The following TATDN2 variants were observed in gnomAD, a reference collection of about 807,000 sequenced individuals.
TATDN2 encodes the protein 3'-5' RNA nuclease TATDN2.
Under a neutral mutation model 60.3 loss-of-function variants are expected in TATDN2, and 44 were observed. That is an observed-to-expected ratio of 0.73 (90% CI 0.57 to 0.94). The LOEUF is 0.94. TATDN2 is among the 40% of genes least tolerant of loss of function. The probability of loss-of-function intolerance (pLI) is 0.00; values close to 1 mark genes in which losing one functional copy is unlikely to be tolerated. For missense variants in TATDN2, 997 were observed against 948.0 expected, an observed-to-expected ratio of 1.05 and a Z score of -0.68; for synonymous variants, 399 against 355.8, an observed-to-expected ratio of 1.12 and a Z score of -1.37.
Position 10,260,411 on chromosome 3 carries a change from C to A in TATDN2, c.689C>A (p.Pro230Gln). Residue 230 changes from proline (P) to glutamine (Q), a missense_variant, in exon 3 of 8, where the codon CCA (proline) becomes CAA (glutamine). By Grantham distance (76) the Pro-to-Gln change is moderately conservative. Transcript: ENST00000448281. ...GAAGGACCAGCCAGGAGTGAAGGACCAGCCAAGACTGCAGAAGGAGCAGCC... is the reference window on the plus strand; with the variant it reads ...GAAGGACCAGCCAGGAGTGAAGGACAAGCCAAGACTGCAGAAGGAGCAGCC... ...HGEGPARSEG[P>Q]AKTAEGAARS... 6.2e-7 allele frequency: 1 copy of A among 1,613,974 alleles called. No individual in the cohort carries two copies. The highest frequency in any genetic ancestry group is 8.5e-7 in the Non-Finnish European group (1 of 1,179,950).
Position 10,279,270 on chromosome 3 carries a change from A to G in TATDN2, c.*88A>G. The G allele has an allele frequency of 2.2e-6, 1 of 446,330 alleles. No individual in the cohort carries two copies. The highest frequency in any genetic ancestry group is 4.0e-6 in the Non-Finnish European group (1 of 249,246). The allele number at this position is 446,330 out of a possible 1,614,324, so 27.6% of individuals were successfully genotyped here. A position where few individuals can be genotyped will look rare whatever the true frequency, so the allele number is the denominator to read the frequency against. On this transcript the variant is annotated 3_prime_UTR_variant, in exon 8 of 8. Transcript: ENST00000448281. ...CAGGCTGGCTTGAAGTCTGTGTCTC[A>G]GGTCGAGGATGTGTTTAGAGAGCTG...
At chr3:10,260,729 A>G (rs1380685517) in intron 3 of TATDN2, 59 bp downstream of exon 3, 12 of 1,547,132 alleles carry the variant, frequency 7.8e-6, no homozygotes, top group African/African-American at 5.5e-5. Context: ...AATGTGTTCC[A>G]TCTTTCTAGT....
At chr3:10,250,606 G>C (rs913617909) in intron 2 of TATDN2, among the ~76,000 whole-genome samples, 2 of 152,206 alleles carry the variant, frequency 1.3e-5, no homozygotes, top group Admixed American at 6.5e-5. Flanking sequence ...GTGTAGCTGA[G>C]AAAGGAGGCT....
chr3:10,268,552 G>A (rs1311760892), intron 3 of TATDN2, among the ~76,000 whole-genome samples: 2 of 152,174 alleles, frequency 1.3e-5, no homozygotes. Flanking sequence ...TGATATTGAT[G>A]TGCTTACTGT....
At chr3:10,275,095 C>T (rs1698616274) in intron 4 of TATDN2, among the ~76,000 whole-genome samples, 1 of 150,744 alleles carries the variant, frequency 6.6e-6, no homozygotes, top group African/African-American at 2.4e-5. Context: ...AGGGGATTCT[C>T]CTGCCTCAGC....
At position 10,279,229 on chromosome 3, in the gene TATDN2, G is replaced by A; in HGVS notation, c.*47G>A. 1.6e-6 allele frequency: 1 copy of A among 641,456 alleles called. No individual in the cohort carries two copies. Among genetic ancestry groups the A allele is most frequent in the Non-Finnish European group, 2.6e-6 (1 of 389,792 alleles). The allele number at this position is 641,456 out of a possible 1,614,324, so 39.7% of individuals were successfully genotyped here. A position where few individuals can be genotyped will look rare whatever the true frequency, so the allele number is the denominator to read the frequency against. ...TCTCTTCCACCCTCCAGGGCGACCA[G>A]CAGCCTGACAGAACACAGGCTGGCT... On this transcript the variant is annotated 3_prime_UTR_variant, in exon 8 of 8. Transcript: ENST00000448281.
Position 10,270,860 on chromosome 3 carries a change from G to A in TATDN2, c.1678G>A (p.Ala560Thr), listed in dbSNP as rs768356638. The change falls in exon 4 of 8, where the codon GCC becomes ACC. Residue 560 changes from alanine (A) to threonine (T), a missense_variant. Physicochemically the swap from Ala to Thr is moderately conservative, Grantham distance 58. Coordinates refer to ENST00000448281, the MANE Select transcript of TATDN2 (RefSeq NM_014760.4). ...ELLKEDLVWG[A>T]FGCHPHFARY... Reference sequence around the variant, plus strand: ...GTTGAAAGAGGATCTGGTCTGGGGGGCCTTTGGCTGTCACCCTCATTTTGC... The same window carrying A: ...GTTGAAAGAGGATCTGGTCTGGGGGACCTTTGGCTGTCACCCTCATTTTGC... 5.0e-6 allele frequency: 8 copies of A among 1,614,066 alleles called. No individual in the cohort carries two copies. The highest frequency in any genetic ancestry group is 6.8e-6 in the Non-Finnish European group (8 of 1,180,046).
intron 3 of TATDN2, among the ~76,000 whole-genome samples, chr3:10,262,076 C>G (rs1462313919): frequency 6.6e-6 from 1 of 152,164 alleles, no homozygotes; most frequent in Non-Finnish European, 1.5e-5. Flanking sequence ...TTCCTGGTAC[C>G]TTTCACTAAT....
intron 4 of TATDN2, 24 bp downstream of exon 4, chr3:10,271,039 CT>C: frequency 6.6e-7 from 1 of 1,508,894 alleles, no homozygotes; most frequent in Middle Eastern, 1.8e-4. Flanking sequence ...CTTTAGTCTG[CT>C]TATAGTTTTA....
chr3:10,249,719 TGAAGGTCTG>T lies in TATDN2; in HGVS notation c.414+114_414+122del, dbSNP rs1403620794. 2.3e-6 allele frequency: 3 copies of T among 1,303,392 alleles called. No homozygotes were observed. In the African/African-American group the frequency reaches 4.6e-5, roughly 20 times the overall value. 80.7% of individuals were successfully genotyped at this position (1,303,392 alleles called of 1,614,324 possible). On this transcript the variant is annotated intron_variant, in intron 2 of 7. Coordinates refer to ENST00000448281, the MANE Select transcript of TATDN2 (RefSeq NM_014760.4). ...AGGAGACTACAAAACATTACATCCT[TGAAGGTCTG>T]GAAGGTCTTTCTAGAAGTCCACTCC... is the stretch of plus-strand genomic sequence containing the variant.
intron 4 of TATDN2, among the ~76,000 whole-genome samples, chr3:10,273,252 T>C (rs546654486): frequency 6.6e-6 from 1 of 152,194 alleles, no homozygotes; most frequent in African/African-American, 2.4e-5. Context: ...CTAGAAAATA[T>C]TTGTCAACAC....
intron 3 of TATDN2, among the ~76,000 whole-genome samples, chr3:10,268,196 T>G (rs1230791068): frequency 6.6e-6 from 1 of 152,236 alleles, no homozygotes; most frequent in Non-Finnish European, 1.5e-5. Context: ...TTTCTGCCAT[T>G]CAAGCAGTAG....
chr3:10,250,977 G>A (rs1356798492), intron 2 of TATDN2, among the ~76,000 whole-genome samples: 1 of 152,182 alleles, frequency 6.6e-6, no homozygotes, highest in Non-Finnish European at 1.5e-5. Context: ...AGTCTTTCAG[G>A]TGTGCTGAAT....
Position 10,267,452 on chromosome 3 carries a change from T to G in TATDN2, c.949-2679T>G, listed in dbSNP as rs572896681. Among the ~76,000 whole-genome samples, 55 of 115,778 alleles carry G rather than the reference T, an allele frequency of 4.8e-4. 1 individual carries two copies. Among genetic ancestry groups the G allele is most frequent in the Admixed American group, 1.0e-3 (13 of 12,580 alleles). 76.0% of individuals were successfully genotyped at this position (115,778 alleles called of 152,430 possible). A position where few individuals can be genotyped will look rare whatever the true frequency, so the allele number is the denominator to read the frequency against. On this transcript the variant is annotated intron_variant, in intron 3 of 7. Coordinates refer to ENST00000448281, the MANE Select transcript of TATDN2 (RefSeq NM_014760.4). ...CCTATCCAGTCTGATTAAATTTCCC[T>G]GTTTGTTTGATGATTGTTTTGGTTC...
chr3:10,268,432 TAAG>T (rs1323956797), intron 3 of TATDN2, among the ~76,000 whole-genome samples: 2 of 152,254 alleles, frequency 1.3e-5, no homozygotes, highest in Non-Finnish European at 2.9e-5. Flanking sequence ...ATAAAAGTAT[TAAG>T]AGAACTTTGT....
chr3:10,274,989 ATT>A (rs34892858), intron 4 of TATDN2, among the ~76,000 whole-genome samples: 25 of 136,192 alleles, frequency 1.8e-4, no homozygotes, highest in Admixed American at 2.3e-4. Flanking sequence ...TAATGAATTA[ATT>A]TTTTTTTTTT....
chr3:10,275,565 C>T (rs929249139), intron 4 of TATDN2, among the ~76,000 whole-genome samples: 6 of 151,886 alleles, frequency 4.0e-5, no homozygotes, highest in Admixed American at 6.6e-5. Flanking sequence ...ACCAACATGG[C>T]GAAACCCCAT....
chr3:10,249,465 T>G lies in TATDN2; in HGVS notation c.265T>G (p.Leu89Val), dbSNP rs760479547. ...CTCCTCCTCCTTCTCCCCACATTTC[T>G]TGGGCCCTGGTGTGGGCGGGGCCGC... is the stretch of plus-strand genomic sequence containing the variant. ...NSSSSFSPHF[L>V]GPGVGGAASK... The change falls in exon 2 of 8, where the codon TTG (leucine) becomes GTG (valine). Residue 89 changes from leucine to valine, a missense_variant. Transcript: ENST00000448281. 1 of 1,613,888 alleles carries G rather than the reference T, an allele frequency of 6.2e-7. No individual in the cohort carries two copies. Among genetic ancestry groups the G allele is most frequent in the Admixed American group, 1.7e-5 (1 of 60,012 alleles).
intron 3 of TATDN2, among the ~76,000 whole-genome samples, chr3:10,268,163 T>C (rs1472122398): frequency 1.3e-5 from 2 of 152,276 alleles, no homozygotes; most frequent in Non-Finnish European, 2.9e-5. Flanking sequence ...GCTTGCATTT[T>C]AGAAAAGATT....
Sources: gnomAD v4.1 joint callset for allele counts (sites outside exome capture counted in the v4.1 genomes callset) on GRCh38, gnomAD v4.1.1 for gene constraint, MANE v1.5 for transcripts, NCBI Gene and HGNC (gene_info 2026-07-23, HGNC 2026-07-21) for gene names.